RABL6: variants seen among roughly 807,000 people sequenced by gnomAD.
RABL6 encodes RAB, member RAS oncogene family like 6, also known as rab-like protein 6.
Under a neutral mutation model 72.9 loss-of-function variants are expected in RABL6, and 28 were observed. The ratio of observed to expected loss-of-function variants is 0.38; its 90% CI spans 0.28 to 0.53. The LOEUF is 0.53. Among genes scored for constraint, RABL6 ranks in the 20% least tolerant of loss-of-function variants. RABL6 has a pLI of 0.80. For missense variants in RABL6, 1,029 were observed against 1,008.4 expected (o/e 1.02, Z -0.28); for synonymous variants, 477 against 421.2 (o/e 1.13, Z -1.62).
At chr9:136,831,058 A>G (rs1848462984) in intron 5 of RABL6, 1 of 154,724 alleles carries the variant, frequency 6.5e-6, no homozygotes, top group Non-Finnish European at 1.5e-5. Context: ...AAGAAAATGA[A>G]GTTAGAAACA....
Position 136,813,321 on chromosome 9 carries a change from C to T in RABL6, c.130+4995C>T. The T allele has an allele frequency of 4.5e-6, 3 of 670,842 alleles. No individual in the cohort carries two copies. In the East Asian group the frequency reaches 8.3e-5, roughly 19 times the overall value. The allele number at this position is 670,842 out of a possible 1,614,324, so 41.6% of individuals were successfully genotyped here. Reference sequence around the variant, plus strand: ...TAGATTTGCCATTTTGGTTCTGGGGCACTTTGATAAAAGTTGCCTTGTCTC... The same window carrying T: ...TAGATTTGCCATTTTGGTTCTGGGGTACTTTGATAAAAGTTGCCTTGTCTC... On this transcript the variant is annotated intron_variant, in intron 1 of 14. Transcript: ENST00000311502.
At chr9:136,821,871 C>A in intron 1 of RABL6, 1 of 1,255,638 alleles carries the variant, frequency 8.0e-7, no homozygotes, top group Non-Finnish European at 1.0e-6. Context: ...AGCCTCCTGG[C>A]TGCCCCCAGC....
intron 1 of RABL6, chr9:136,813,690 A>AT: frequency 4.8e-6 from 1 of 207,126 alleles, no homozygotes. Flanking sequence ...ATCTCAGCTC[A>AT]CTGCAAGCTC....
At chr9:136,831,292 C>T (rs1253647664) in intron 5 of RABL6, among the ~76,000 whole-genome samples, 1 of 152,192 alleles carries the variant, frequency 6.6e-6, no homozygotes, top group Non-Finnish European at 1.5e-5. Context: ...CGCAGAGGCA[C>T]CCCAGGGTGT....
chr9:136,821,220 T>TGAG, intron 1 of RABL6: 1 of 680,268 alleles, frequency 1.5e-6, no homozygotes. Context: ...CCCGTAGGGT[T>TGAG]GAGGAGCCGA....
At chr9:136,811,144 C>T (rs552904767) in intron 1 of RABL6, among the ~76,000 whole-genome samples, 2 of 152,316 alleles carry the variant, frequency 1.3e-5, no homozygotes, top group South Asian at 4.1e-4. Flanking sequence ...GTGACCATGG[C>T]TCGTGACATA....
intron 7 of RABL6, chr9:136,833,714 C>T: frequency 6.5e-7 from 1 of 1,550,344 alleles, no homozygotes; most frequent in Non-Finnish European, 8.7e-7. Context: ...CTTGGTCTTT[C>T]TCCAGAAGGA....
At chr9:136,834,514 C>A in intron 7 of RABL6, 1 of 942,474 alleles carries the variant, frequency 1.1e-6, no homozygotes, top group Non-Finnish European at 1.3e-6. Flanking sequence ...CGGAGTCTCA[C>A]TCTGTCCAGG....
chr9:136,819,468 C>T (rs1007001410), intron 1 of RABL6, among the ~76,000 whole-genome samples: 1 of 152,070 alleles, frequency 6.6e-6, no homozygotes, highest in Non-Finnish European at 1.5e-5. Context: ...ACAGAACTCA[C>T]CAGCTCGAAA....
intron 1 of RABL6, among the ~76,000 whole-genome samples, chr9:136,810,787 C>T (rs1372783312): frequency 2.0e-5 from 3 of 152,206 alleles, no homozygotes; most frequent in Non-Finnish European, 4.4e-5. Context: ...GTGATCTGCC[C>T]GCCTCAGCCT....
chr9:136,830,635 G>A (rs1564367904), intron 5 of RABL6, among the ~76,000 whole-genome samples: 2 of 152,268 alleles, frequency 1.3e-5, no homozygotes, highest in South Asian at 4.1e-4. Context: ...CCCAAGCGAA[G>A]TTGAGTGTGG....
intron 1 of RABL6, among the ~76,000 whole-genome samples, chr9:136,817,340 C>T (rs1848140382): frequency 6.6e-6 from 1 of 152,162 alleles, no homozygotes; most frequent in Non-Finnish European, 1.5e-5. Flanking sequence ...CCAAGAAGTC[C>T]AGAGTTTAAA....
intron 1 of RABL6, chr9:136,821,689 T>G: frequency 9.9e-7 from 1 of 1,008,356 alleles, no homozygotes; most frequent in Non-Finnish European, 1.2e-6. Context: ...GGCTCCCTCC[T>G]GGCTGCGCTG....
intron 4 of RABL6, among the ~76,000 whole-genome samples, chr9:136,828,759 G>A (rs370557526): frequency 1.4e-4 from 21 of 152,224 alleles, no homozygotes; most frequent in African/African-American, 4.6e-4. Context: ...CATCACGTTG[G>A]ACTGACCCCT....
At chr9:136,821,652 C>T in intron 1 of RABL6, 7 of 989,592 alleles carry the variant, frequency 7.1e-6, no homozygotes, top group Non-Finnish European at 8.4e-6. Flanking sequence ...CGCGGCCCGT[C>T]TCGGGCCTCC....
intron 12 of RABL6, 100 bp from the exon 13 acceptor site, chr9:136,839,594 A>G: frequency 2.6e-6 from 4 of 1,547,736 alleles, no homozygotes; most frequent in Non-Finnish European, 3.5e-6. Context: ...GAGGCATCTC[A>G]TGTCCCCACA....
intron 5 of RABL6, among the ~76,000 whole-genome samples, chr9:136,831,517 G>A (rs1450021907): frequency 2.0e-5 from 3 of 152,126 alleles, no homozygotes; most frequent in African/African-American, 4.8e-5. Flanking sequence ...GGAGAGGGAC[G>A]GGCGGGGGCT....
chr9:136,835,594 G>C, intron 7 of RABL6, 148 bp from the exon 8 acceptor site: 1 of 663,392 alleles, frequency 1.5e-6, no homozygotes. Context: ...GCCCAGCGCA[G>C]AGCTCCATGA....
chr9:136,835,351 C>A, intron 7 of RABL6: 1 of 167,036 alleles, frequency 6.0e-6, no homozygotes, highest in Non-Finnish European at 1.3e-5. Context: ...ACGCGTGCAC[C>A]GGGGATGTGT....
Sources: gnomAD v4.1 joint callset for allele counts (sites outside exome capture counted in the v4.1 genomes callset) on GRCh38, gnomAD v4.1.1 for gene constraint, MANE v1.5 for transcripts, NCBI Gene and HGNC (gene_info 2026-07-23, HGNC 2026-07-21) for gene names.